Variants in AEBP2 observed in about 807,000 individuals in gnomAD.
The protein encoded by AEBP2 is AE binding protein 2.
A neutral mutation model predicts 50.8 loss-of-function variants in AEBP2; 10 were observed. The ratio of observed to expected loss-of-function variants is 0.20; its 90% CI spans 0.12 to 0.33. The LOEUF (loss-of-function observed/expected upper bound fraction) is 0.33. Among genes scored for constraint, AEBP2 ranks in the 10% least tolerant of loss-of-function variants. AEBP2 has a pLI of 1.00. For missense variants in AEBP2, 570 were observed against 688.0 expected, an observed-to-expected ratio of 0.83 and a Z score of 1.92; for synonymous variants, 296 against 261.3, an observed-to-expected ratio of 1.13 and a Z score of -1.28.
intron 2 of AEBP2, among the ~76,000 whole-genome samples, chr12:19,468,261 C>T (rs1948516934): frequency 6.6e-6 from 1 of 151,852 alleles, no homozygotes. Flanking sequence ...TTCTTGAGTT[C>T]CTGGGATTCC....
intron 1 of AEBP2, among the ~76,000 whole-genome samples, chr12:19,451,769 A>G (rs971868885): frequency 6.6e-6 from 1 of 151,666 alleles, no homozygotes; most frequent in Non-Finnish European, 1.5e-5. Flanking sequence ...AGGCACAGTC[A>G]TGGCATACTG....
intron 1 of AEBP2, among the ~76,000 whole-genome samples, chr12:19,408,234 A>G (rs994556890): frequency 6.6e-6 from 1 of 152,096 alleles, no homozygotes; most frequent in African/African-American, 2.4e-5. Context: ...TTGGAAAGGG[A>G]AACTGGGCAG....
chr12:19,410,635 T>C (rs772083080), intron 1 of AEBP2, among the ~76,000 whole-genome samples: 3 of 152,190 alleles, frequency 2.0e-5, no homozygotes, highest in Non-Finnish European at 4.4e-5. Context: ...GATTTTTGTA[T>C]TCTTTACCAG....
rs1245512762 is a variant in AEBP2, at chr12:19,439,729, C to T, written c.30C>T (p.Asp10=). 6.6e-7 allele frequency: 1 copy of T among 1,517,578 alleles called. No homozygotes were observed. Among genetic ancestry groups the T allele is most frequent in the African/African-American group, 1.4e-5 (1 of 69,668 alleles). 94.0% of individuals were successfully genotyped at this position (1,517,578 alleles called of 1,614,324 possible). Residue 10 remains aspartate (D), a synonymous_variant, in exon 1 of 8, where the codon GAC becomes GAT. Coordinates refer to ENST00000266508, the MANE Select transcript of AEBP2 (RefSeq NM_153207.5). ...CCGCCGCTATCACCGACATGGCCGA[C>T]CTGGAGGAGCTCTCCCGCCTGAGCC... MAAAITDMA[D]LEELSRLSPL...
chr12:19,428,391 A>G (rs1193585612), intron 1 of AEBP2, among the ~76,000 whole-genome samples: 1 of 152,234 alleles, frequency 6.6e-6, no homozygotes, highest in East Asian at 1.9e-4. Flanking sequence ...TGGTGATGGT[A>G]TGCATGGCTG....
chr12:19,470,662 G>A (rs1165492669), intron 2 of AEBP2, among the ~76,000 whole-genome samples: 1 of 152,112 alleles, frequency 6.6e-6, no homozygotes, highest in African/African-American at 2.4e-5. Context: ...TATCAGATGT[G>A]ATTTCAGACC....
chr12:19,436,287 C>T (rs1395362376), upstream of AEBP2, among the ~76,000 whole-genome samples: 1 of 152,156 alleles, frequency 6.6e-6, no homozygotes, highest in African/African-American at 2.4e-5. Flanking sequence ...TGGAGAAACC[C>T]TCATTTCCAG....
At position 19,521,987 on chromosome 12, in the gene AEBP2, C is replaced by G. The variant is rs1030815688; in HGVS notation, c.*3870C>G. 2 of 151,768 alleles carry G rather than the reference C, an allele frequency of 1.3e-5. No individual in the cohort carries two copies. Among genetic ancestry groups the G allele is most frequent in the Admixed American group, 1.3e-4 (2 of 15,236 alleles). 9.4% of individuals were successfully genotyped at this position (151,768 alleles called of 1,614,324 possible). ...TTTATATGAAAACTGATATGTATGT[C>G]TGTGTAACAAAGCCTGTTGGGTACA... On this transcript the variant is annotated 3_prime_UTR_variant, in exon 8 of 8. Coordinates refer to ENST00000266508, the MANE Select transcript of AEBP2 (RefSeq NM_153207.5).
chr12:19,459,603 T>C (rs116051769), intron 1 of AEBP2, among the ~76,000 whole-genome samples: 257 of 152,314 alleles, frequency 1.7e-3, no homozygotes, highest in African/African-American at 5.8e-3. Context: ...ATACCCAAGG[T>C]TAGTCTTGCA....
chr12:19,409,778 C>T (rs1329337978), intron 1 of AEBP2, among the ~76,000 whole-genome samples: 1 of 152,110 alleles, frequency 6.6e-6, no homozygotes. Flanking sequence ...GTGGGCTTTG[C>T]CTAGGAATCT....
chr12:19,510,063 C>T (rs958041563), intron 5 of AEBP2, among the ~76,000 whole-genome samples: 1 of 152,012 alleles, frequency 6.6e-6, no homozygotes, highest in African/African-American at 2.4e-5. Flanking sequence ...AAACTTCTAA[C>T]CTCAAGTGTT....
At chr12:19,487,036 C>T (rs2120396567) in intron 3 of AEBP2, among the ~76,000 whole-genome samples, 1 of 152,134 alleles carries the variant, frequency 6.6e-6, no homozygotes, top group African/African-American at 2.4e-5. Flanking sequence ...TGATGTTGAC[C>T]ACATTTTGTG....
chr12:19,457,444 G>T, intron 1 of AEBP2: 2 of 1,521,240 alleles, frequency 1.3e-6, no homozygotes, highest in Non-Finnish European at 1.8e-6. Flanking sequence ...GTGATACCAC[G>T]TTCACGCTCA....
intron 1 of AEBP2, among the ~76,000 whole-genome samples, chr12:19,420,384 A>G (rs1478192081): frequency 1.6e-4 from 19 of 120,296 alleles, no homozygotes; most frequent in Non-Finnish European, 6.4e-5. Context: ...CCCAGGCTGG[A>G]GTACGATGGT....
intron 5 of AEBP2, among the ~76,000 whole-genome samples, chr12:19,505,046 C>T (rs146757208): frequency 5.1e-4 from 77 of 152,226 alleles, no homozygotes; most frequent in South Asian, 1.2e-3. Flanking sequence ...ATAGGAAATA[C>T]ATTTATCTAA....
intron 1 of AEBP2, among the ~76,000 whole-genome samples, chr12:19,462,051 A>C (rs1592736485): frequency 6.6e-6 from 1 of 152,338 alleles, no homozygotes; most frequent in South Asian, 2.1e-4. Context: ...GGCAGCAGTT[A>C]TATTTTCAGA....
In AEBP2 at chr12:19,406,578, G is replaced by T. The variant is rs184633136; in HGVS notation, c.-17+2362G>T. The stretch of plus-strand genomic sequence containing the variant: ...CCTGTAATCCCAGCTTACTCTGGAG[G>T]CTGAGACAGGAGAATTCGCTTGAAC... On this transcript the variant is annotated intron_variant, in intron 1 of 3. Transcript: ENST00000538425. Among the ~76,000 whole-genome samples, 144 of 150,716 alleles carry T rather than the reference G, an allele frequency of 9.6e-4. 1 individual carries two copies. Among genetic ancestry groups the T allele is most frequent in the African/African-American group, 3.3e-3 (135 of 41,096 alleles).
Position 19,440,306 on chromosome 12 carries a change from C to G in AEBP2, c.607C>G (p.Arg203Gly). ...CGGAAGCAGCGCGACCTCCGGGGGCCGGCGGGGCAGCTTGGAGATGTCGTC... is the reference window on the plus strand; with the variant it reads ...CGGAAGCAGCGCGACCTCCGGGGGCGGGCGGGGCAGCTTGGAGATGTCGTC... The part of the protein sequence containing the change: ...GGGSSATSGG[R>G]RGSLEMSSDG... The change falls in exon 1 of 8, where the codon CGG becomes GGG. Residue 203 changes from arginine to glycine, a missense_variant. Coordinates refer to ENST00000266508, the MANE Select transcript of AEBP2 (RefSeq NM_153207.5). The G allele has an allele frequency of 1.4e-6, 2 of 1,465,324 alleles. No individual in the cohort carries two copies. Among genetic ancestry groups the G allele is most frequent in the Non-Finnish European group, 1.8e-6 (2 of 1,116,760 alleles). 90.8% of individuals were successfully genotyped at this position (1,465,324 alleles called of 1,614,324 possible). A position where few individuals can be genotyped will look rare whatever the true frequency, so the allele number is the denominator to read the frequency against.
At chr12:19,445,217 G>T (rs572975810) in intron 1 of AEBP2, among the ~76,000 whole-genome samples, 1 of 151,394 alleles carries the variant, frequency 6.6e-6, no homozygotes, top group South Asian at 2.1e-4. Context: ...TATTTTTTTT[G>T]ATATAGGGTC....
Sources: gnomAD v4.1 joint callset for allele counts (sites outside exome capture counted in the v4.1 genomes callset) on GRCh38, gnomAD v4.1.1 for gene constraint, MANE v1.5 for transcripts, NCBI Gene and HGNC (gene_info 2026-07-23, HGNC 2026-07-21) for gene names.